Variants in UGT1A6 observed in about 807,000 individuals in gnomAD.
UGT1A6 encodes UDP-glucuronosyltransferase 1A6.
UGT1A6 carries 32 observed loss-of-function variants against 44.4 expected under a neutral mutation model. The ratio of observed to expected loss-of-function variants is 0.72; its 90% CI spans 0.54 to 0.97. The LOEUF (loss-of-function observed/expected upper bound fraction) is 0.97, where lower values mean the gene tolerates loss of function less well. Among genes scored for constraint, UGT1A6 ranks in the 50% least tolerant of loss-of-function variants. The probability of loss-of-function intolerance (pLI) is 0.00; values close to 1 mark genes in which losing one functional copy is unlikely to be tolerated. For synonymous variants in UGT1A6, 238 were observed against 248.5 expected, an observed-to-expected ratio of 0.96 and a Z score of 0.40; for missense variants, 685 against 661.9, an observed-to-expected ratio of 1.03 and a Z score of -0.38.
chr2:233,759,291 G>C (rs2003569), intron 1 of UGT1A6, among the ~76,000 whole-genome samples: 1 of 152,064 alleles, frequency 6.6e-6, no homozygotes. Flanking sequence ...TGATGAAGCT[G>C]AGCCCTGAGT....
chr2:233,728,803 A>T (rs1389677112), intron 1 of UGT1A6, among the ~76,000 whole-genome samples: 1 of 152,188 alleles, frequency 6.6e-6, no homozygotes, highest in Non-Finnish European at 1.5e-5. Flanking sequence ...GAGAAGTAGG[A>T]GACAGTGACA....
chr2:233,763,296 GAT>G (rs1373689978), intron 1 of UGT1A6, among the ~76,000 whole-genome samples: 1 of 152,054 alleles, frequency 6.6e-6, no homozygotes, highest in African/African-American at 2.4e-5. Flanking sequence ...CCACTTTTTG[GAT>G]ATTAATATTA....
At chr2:233,730,293 G>T (rs1228640650) in intron 1 of UGT1A6, among the ~76,000 whole-genome samples, 1 of 152,186 alleles carries the variant, frequency 6.6e-6, no homozygotes, top group East Asian at 1.9e-4. Context: ...TCATGGTTGT[G>T]CATGTCCTTC....
chr2:233,721,992 G>T, intron 1 of UGT1A6: 1 of 260,508 alleles, frequency 3.8e-6, no homozygotes, highest in African/African-American at 2.2e-5. Flanking sequence ...TTTCACGAAT[G>T]TCCTTTAAGT....
intron 1 of UGT1A6, among the ~76,000 whole-genome samples, chr2:233,725,299 C>G (rs59772713): frequency 6.9e-5 from 3 of 43,506 alleles, no homozygotes; most frequent in African/African-American, 2.7e-4. Flanking sequence ...GAGGCAGAGG[C>G]AGAGGCAGAG....
At chr2:233,705,126 G>T (rs2075824823) in intron 1 of UGT1A6, among the ~76,000 whole-genome samples, 1 of 119,384 alleles carries the variant, frequency 8.4e-6, no homozygotes, top group South Asian at 3.0e-4. Context: ...ACAAGAGCGA[G>T]ACTTCGTCTG....
At chr2:233,762,169 G>A (rs1019594932) in intron 1 of UGT1A6, among the ~76,000 whole-genome samples, 34 of 152,020 alleles carry the variant, frequency 2.2e-4, no homozygotes, top group Non-Finnish European at 2.4e-4. Flanking sequence ...CACTGTATGC[G>A]GCGTCCTCAA....
At position 233,720,744 on chromosome 2, in the gene UGT1A6, C is replaced by T. The variant is rs190457981; in HGVS notation, c.861+26879C>T. Reference sequence around the variant, plus strand: ...TTCTTGAGACTGAGCCTCGTTCTGTCGCCCAGGCTGGAGGGCAGTGGCCGG... The same window carrying T: ...TTCTTGAGACTGAGCCTCGTTCTGTTGCCCAGGCTGGAGGGCAGTGGCCGG... On this transcript the variant is annotated intron_variant, in intron 1 of 4. Coordinates refer to ENST00000305139, the MANE Select transcript of UGT1A6 (RefSeq NM_001072.4). 3.0e-3 allele frequency among the ~76,000 whole-genome samples: 450 copies of T among 148,806 alleles called. 4 individuals are homozygous for T. Among genetic ancestry groups the T allele is most frequent in the African/African-American group, 0.01 (408 of 40,338 alleles).
At chr2:233,756,155 A>G (rs1696135469) in intron 1 of UGT1A6, 2 of 152,312 alleles carry the variant, frequency 1.3e-5, no homozygotes, top group South Asian at 4.1e-4. Context: ...GATCCCTAGG[A>G]TTTCCTGGCT....
chr2:233,760,210 T>A, intron 1 of UGT1A6: 1 of 1,591,180 alleles, frequency 6.3e-7, no homozygotes, highest in African/African-American at 1.4e-5. Flanking sequence ...AAACATTAAC[T>A]TGGTGTATCG....
intron 1 of UGT1A6, among the ~76,000 whole-genome samples, chr2:233,726,425 CTCTTAA>C (rs2077531694): frequency 6.6e-6 from 1 of 152,204 alleles, no homozygotes; most frequent in Non-Finnish European, 1.5e-5. Context: ...ATTCTGTCCA[CTCTTAA>C]TCTTATTCTT....
chr2:233,730,374 G>C (rs986236610), intron 1 of UGT1A6, among the ~76,000 whole-genome samples: 2 of 152,170 alleles, frequency 1.3e-5, no homozygotes, highest in African/African-American at 4.8e-5. Flanking sequence ...ATGATTTTCA[G>C]GGGAAAGATG....
upstream of UGT1A6, chr2:233,692,193 G>A (rs1481987311): frequency 6.6e-6 from 1 of 152,356 alleles, no homozygotes; most frequent in East Asian, 1.9e-4. Context: ...GGTTGCTGAA[G>A]GTGTGGAGGG....
At chr2:233,701,905 A>G (rs2075659250) in intron 1 of UGT1A6, among the ~76,000 whole-genome samples, 1 of 152,218 alleles carries the variant, frequency 6.6e-6, no homozygotes, top group Non-Finnish European at 1.5e-5. Flanking sequence ...AAGATCTAAA[A>G]TTGACACCCT....
At position 233,764,188 on chromosome 2, in the gene UGT1A6, A is replaced by G. The variant is rs1395608589; in HGVS notation, c.862-2846A>G. ...TCAGAACAGGGAAATTCTCTCATTCAGGGGCATCTCATCTTTTCTTTGAAG... is the reference window on the plus strand; with the variant it reads ...TCAGAACAGGGAAATTCTCTCATTCGGGGGCATCTCATCTTTTCTTTGAAG... On this transcript the variant is annotated intron_variant, in intron 1 of 4. Transcript: ENST00000305139. Among the ~76,000 whole-genome samples, 3 of 152,296 alleles carry G rather than the reference A, an allele frequency of 2.0e-5. No individual in the cohort carries two copies. The East Asian group carries it at 5.8e-4, about 29-fold the overall frequency.
intron 1 of UGT1A6, among the ~76,000 whole-genome samples, chr2:233,711,380 C>T (rs555882590): frequency 7.9e-5 from 12 of 152,364 alleles, no homozygotes; most frequent in Admixed American, 7.8e-4. Flanking sequence ...AGAGCACCCT[C>T]CCAGGTGTGT....
chr2:233,736,477 G>T (rs565407070), intron 1 of UGT1A6, among the ~76,000 whole-genome samples: 1 of 152,272 alleles, frequency 6.6e-6, no homozygotes, highest in East Asian at 1.9e-4. Context: ...GCTTGGAGAG[G>T]TTTGTTACTA....
Position 233,769,613 on chromosome 2 carries a change from C to A in UGT1A6, c.1301+1174C>A. 6 of 1,612,708 alleles carry A rather than the reference C, an allele frequency of 3.7e-6. No individual in the cohort carries two copies. Among genetic ancestry groups the A allele is most frequent in the Non-Finnish European group, 5.1e-6 (6 of 1,179,824 alleles). Reference sequence around the variant, plus strand: ...GAGACGGAACACGGGGACACACCAGCTTGAGCAAGGGACAACAGGGGAGGA... The same window carrying A: ...GAGACGGAACACGGGGACACACCAGATTGAGCAAGGGACAACAGGGGAGGA... On this transcript the variant is annotated intron_variant, in intron 4 of 4. Transcript: ENST00000305139. The surrounding 1 kb of genome is among the most constrained non-coding windows in gnomAD (Gnocchi z 4.4).
At position 233,714,001 on chromosome 2, in the gene UGT1A6, G is replaced by A. The variant is rs1295021780; in HGVS notation, c.861+20136G>A. 4.5e-6 allele frequency: 7 copies of A among 1,551,344 alleles called. No homozygotes were observed. The African/African-American group carries it at 5.5e-5, about 12-fold the overall frequency. On this transcript the variant is annotated intron_variant, in intron 1 of 4. Coordinates refer to ENST00000305139, the MANE Select transcript of UGT1A6 (RefSeq NM_001072.4). ...TCATTGTTGTAATAGTCTTCAGTGA[G>A]ATAAACTTTTAAAGGGTCAATGGTA...
Sources: allele counts gnomAD v4.1 joint callset (sites outside exome capture counted in the v4.1 genomes callset), GRCh38; gene constraint gnomAD v4.1.1; non-coding constraint Gnocchi (gnomAD v3.1); transcripts MANE v1.5; gene names NCBI Gene and HGNC (gene_info 2026-07-23, HGNC 2026-07-21).